The following EDEM1 variants were observed in gnomAD, a reference collection of about 807,000 sequenced individuals.
EDEM1 encodes the protein ER degradation enhancing alpha-mannosidase like protein 1, also known as ER degradation-enhancing alpha-mannosidase-like protein 1.
A neutral mutation model predicts 74.4 loss-of-function variants in EDEM1; 67 were observed. That is an observed-to-expected ratio of 0.90 (90% CI 0.74 to 1.10). EDEM1 has a LOEUF of 1.10. Ranked by LOEUF, EDEM1 falls within the 50% of genes least tolerant of loss-of-function variation. EDEM1 has a pLI of 0.00. For synonymous variants in EDEM1, 382 were observed against 335.9 expected (o/e 1.14, Z -1.50); for missense variants, 926 against 851.6 (o/e 1.09, Z -1.09).
At chr3:5,192,780 T>G (rs1275154503) in intron 1 of EDEM1, among the ~76,000 whole-genome samples, 1 of 152,156 alleles carries the variant, frequency 6.6e-6, no homozygotes, top group African/African-American at 2.4e-5. Flanking sequence ...TCCCCCTTAT[T>G]TTGGCACCTT....
chr3:5,201,919 C>G lies in EDEM1; in HGVS notation c.853C>G (p.Pro285Ala). ...FENTKTGIPY[P>A]RVNLKTGVPP... ...AAACACCAAGACAGGGATTCCATAT[C>G]CTCGGGTGGGTAGACTGGTTTGACC... Residue 285 changes from proline (P) to alanine (A), a missense_variant, in exon 4 of 12, where the codon CCT becomes GCT. By Grantham distance (27) the Pro-to-Ala change is conservative (BLOSUM62 -1). Transcript: ENST00000256497. The G allele has an allele frequency of 7.4e-6, 12 of 1,613,434 alleles. No homozygotes were observed. The highest frequency in any genetic ancestry group is 1.0e-5 in the Non-Finnish European group (12 of 1,179,772).
chr3:5,213,432 C>T lies in EDEM1; in HGVS notation c.1794C>T (p.Phe598=), dbSNP rs148297823. The part of the protein sequence containing the change: ...EHLRELPWKE[F]FSEEGGQDQG... ...TTCGGGAATTGCCATGGAAGGAATT[C>T]TTCTCTGAAGAGGGAGGGCAGGACC... is the stretch of plus-strand genomic sequence containing the variant. The change falls in exon 11 of 12, where the codon TTC becomes TTT. Residue 598 remains phenylalanine, a synonymous_variant. Transcript: ENST00000256497. The T allele has an allele frequency of 3.4e-4, 554 of 1,614,152 alleles. No homozygotes were observed. In the African/African-American group the frequency reaches 5.1e-3, roughly 15 times the overall value.
At chr3:5,191,782 G>C (rs1367688936) in intron 1 of EDEM1, among the ~76,000 whole-genome samples, 2 of 152,174 alleles carry the variant, frequency 1.3e-5, no homozygotes, top group Non-Finnish European at 1.5e-5. Context: ...AAAAAGAGCA[G>C]ATCTGTCTAA....
At position 5,215,972 on chromosome 3, in the gene EDEM1, C is replaced by T. The variant is rs2055230013; in HGVS notation, c.*54C>T. On this transcript the variant is annotated 3_prime_UTR_variant, in exon 12 of 12. Coordinates refer to ENST00000256497, the MANE Select transcript of EDEM1 (RefSeq NM_014674.3). ...CCAGACCTTAACGACCAAACCCAGA[C>T]CATGCCAAAGTCCAGTCTGAAATGA... The T allele has an allele frequency of 2.0e-6, 3 of 1,479,236 alleles. No homozygotes were observed. The highest frequency in any genetic ancestry group is 3.8e-5 in the Admixed American group (2 of 52,808). The allele number at this position is 1,479,236 out of a possible 1,614,324, so 91.6% of individuals were successfully genotyped here.
At chr3:5,211,659 T>A (rs1252861469) in intron 10 of EDEM1, among the ~76,000 whole-genome samples, 2 of 150,664 alleles carry the variant, frequency 1.3e-5, no homozygotes, top group Non-Finnish European at 3.0e-5. Flanking sequence ...AGTGAGTGTG[T>A]GTGTGTGTGT....
intron 1 of EDEM1, among the ~76,000 whole-genome samples, chr3:5,193,773 T>C (rs1057024585): frequency 5.3e-5 from 8 of 152,200 alleles, no homozygotes; most frequent in Non-Finnish European, 7.4e-5. Flanking sequence ...AATTTTTGTA[T>C]TTTTAGTAGA....
intron 1 of EDEM1, among the ~76,000 whole-genome samples, chr3:5,194,460 AG>A (rs1376284406): frequency 6.6e-6 from 1 of 152,146 alleles, no homozygotes; most frequent in African/African-American, 2.4e-5. Context: ...GACATACCAC[AG>A]TGCCTGAGGA....
intron 4 of EDEM1, among the ~76,000 whole-genome samples, 196 bp downstream of exon 4, chr3:5,202,120 A>G (rs548252461): frequency 2.4e-4 from 37 of 152,378 alleles, no homozygotes; most frequent in African/African-American, 7.9e-4. Context: ...CATCCACTGT[A>G]TGAAAGGCAA....
At chr3:5,191,760 C>G (rs774005532) in intron 1 of EDEM1, among the ~76,000 whole-genome samples, 36 of 152,138 alleles carry the variant, frequency 2.4e-4, no homozygotes, top group Admixed American at 6.5e-4. Flanking sequence ...GTGAATAAAA[C>G]CTGAACACTC....
intron 2 of EDEM1, among the ~76,000 whole-genome samples, chr3:5,198,662 C>CTTTT (rs57260414): frequency 1.3e-5 from 1 of 75,160 alleles, no homozygotes. Flanking sequence ...ACGTATATAG[C>CTTTT]TTTTTTTTTT....
intron 5 of EDEM1, among the ~76,000 whole-genome samples, chr3:5,203,971 A>C (rs1293820724): frequency 1.3e-5 from 2 of 152,176 alleles, no homozygotes; most frequent in Non-Finnish European, 2.9e-5. Context: ...AGCGCAAGCA[A>C]TTCTCCCACC....
At chr3:5,196,545 A>G (rs544207175) in intron 2 of EDEM1, among the ~76,000 whole-genome samples, 2 of 152,300 alleles carry the variant, frequency 1.3e-5, no homozygotes, top group Admixed American at 1.3e-4. Flanking sequence ...TGCTAGTAGT[A>G]GAATTACCAG....
chr3:5,187,730 G>A lies in EDEM1; in HGVS notation c.-76G>A, dbSNP rs1301074747. The A allele has an allele frequency of 1.4e-6, 2 of 1,423,264 alleles. No homozygotes were observed. The highest frequency in any genetic ancestry group is 2.9e-5 in the East Asian group (1 of 34,664). The allele number at this position is 1,423,264 out of a possible 1,614,324, so 88.2% of individuals were successfully genotyped here. ...TTAAAGGGGAAGCGAGCCGGGCTAC[G>A]GGGCGAGCGCGGGGTGCGGTGGTCG... On this transcript the variant is annotated 5_prime_UTR_variant, in exon 1 of 12. Coordinates refer to ENST00000256497, the MANE Select transcript of EDEM1 (RefSeq NM_014674.3).
At chr3:5,203,220 T>C in intron 5 of EDEM1, 71 bp downstream of exon 5, 2 of 1,422,272 alleles carry the variant, frequency 1.4e-6, no homozygotes, top group Non-Finnish European at 1.9e-6. Flanking sequence ...TTCTCTGGGC[T>C]CTGCCCCCTT....
At chr3:5,205,379 G>A in intron 6 of EDEM1, 138 bp downstream of exon 6, 1 of 838,160 alleles carries the variant, frequency 1.2e-6, no homozygotes, top group Non-Finnish European at 1.8e-6. Context: ...TAGTTTGTCA[G>A]TCATCTGGGG....
At chr3:5,195,347 C>G in intron 2 of EDEM1, 66 bp downstream of exon 2, 1 of 981,468 alleles carries the variant, frequency 1.0e-6, no homozygotes, top group South Asian at 2.0e-5. Flanking sequence ...CCCTAGTTCC[C>G]TCCAGCAGTG....
At chr3:5,205,361 A>T in intron 6 of EDEM1, 120 bp downstream of exon 6, 1 of 991,774 alleles carries the variant, frequency 1.0e-6, no homozygotes, top group Non-Finnish European at 1.4e-6. Flanking sequence ...TCACCTTACC[A>T]CCTCTCCTAG....
chr3:5,198,496 CT>C (rs2054996577), intron 2 of EDEM1, among the ~76,000 whole-genome samples: 2 of 152,108 alleles, frequency 1.3e-5, no homozygotes, highest in African/African-American at 4.8e-5. Context: ...ATGCATTTTT[CT>C]TAGGTGAGCA....
At position 5,187,795 on chromosome 3, in the gene EDEM1, C is replaced by T. The variant is rs1032910052; in HGVS notation, c.-11C>T. ...GCGCTTTAAAATAATGCCCGCGGCG[C>T]CCGCGCGACCATGCAATGGCGAGCG... On this transcript the variant is annotated 5_prime_UTR_variant, in exon 1 of 12. Coordinates refer to ENST00000256497, the MANE Select transcript of EDEM1 (RefSeq NM_014674.3). 5 of 1,546,536 alleles carry T rather than the reference C, an allele frequency of 3.2e-6. No individual in the cohort carries two copies. The highest frequency in any genetic ancestry group is 4.4e-6 in the Non-Finnish European group (5 of 1,145,536).
Sources: gnomAD v4.1 joint callset for allele counts (sites outside exome capture counted in the v4.1 genomes callset) on GRCh38, gnomAD v4.1.1 for gene constraint, MANE v1.5 for transcripts, NCBI Gene and HGNC (gene_info 2026-07-23, HGNC 2026-07-21) for gene names.